The following ZNF69 variants were observed in gnomAD, a reference collection of about 807,000 sequenced individuals.
The protein encoded by ZNF69 is ZNF3.
ZNF69 carries 47 observed loss-of-function variants against 50.9 expected under a neutral mutation model. The observed-to-expected ratio is 0.92, with a 90% CI of 0.73 to 1.18. The LOEUF (loss-of-function observed/expected upper bound fraction) is 1.18. Among genes scored for constraint, ZNF69 ranks in the 50% most tolerant of loss-of-function variants. ZNF69 has a pLI of 0.00. For missense variants in ZNF69, 717 were observed against 675.1 expected (o/e 1.06, Z -0.69); for synonymous variants, 216 against 223.1 (o/e 0.97, Z 0.29).
downstream of ZNF69, among the ~76,000 whole-genome samples, chr19:11,916,333 C>T (rs895395539): frequency 9.2e-5 from 14 of 151,904 alleles, no homozygotes; most frequent in South Asian, 1.0e-3. Context: ...ATTCAGGGGC[C>T]GCTGGGCAGA....
At chr19:11,944,792 C>T in the ZNF69 span, among the ~76,000 whole-genome samples, 3 of 152,186 alleles carry the variant, frequency 2.0e-5, no homozygotes, top group Admixed American at 6.5e-5. Context: ...GGTAATACAT[C>T]GCTGTGCCAC....
chr19:11,913,410 A>G (rs1972486538), exon 5 of ZNF69: 1 of 576,606 alleles, frequency 1.7e-6, no homozygotes, highest in Non-Finnish European at 3.2e-6. Context: ...TTTTTCCAGA[A>G]AAAAATCTCA....
chr19:11,965,038 T>G, the ZNF69 span: 4 of 763,666 alleles, frequency 5.2e-6, no homozygotes, highest in East Asian at 1.2e-4. Context: ...TGGGTCGCAT[T>G]CCTGTCCTCA....
the ZNF69 span, among the ~76,000 whole-genome samples, chr19:11,930,123 G>C: frequency 6.7e-6 from 1 of 148,294 alleles, no homozygotes; most frequent in Non-Finnish European, 1.5e-5. Flanking sequence ...TGGTGGAGGA[G>C]ATGCCTGGTA....
chr19:11,935,285 G>A, the ZNF69 span, among the ~76,000 whole-genome samples: 1 of 128,408 alleles, frequency 7.8e-6, no homozygotes, highest in African/African-American at 3.0e-5. Flanking sequence ...TGCCCAGTCT[G>A]GAGTGCAGTG....
At chr19:11,925,418 C>A in the ZNF69 span, 8 of 1,345,778 alleles carry the variant, frequency 5.9e-6, no homozygotes, top group Non-Finnish European at 3.0e-6. Flanking sequence ...GCCCTCGGTC[C>A]CCTTGGCCGC....
At chr19:11,974,049 T>C in the ZNF69 span, among the ~76,000 whole-genome samples, 13 of 150,802 alleles carry the variant, frequency 8.6e-5, no homozygotes, top group African/African-American at 3.2e-4. Context: ...GTTTTCTTTC[T>C]TTCTTTCTTT....
chr19:11,979,727 G>T, the ZNF69 span: 1 of 1,599,286 alleles, frequency 6.3e-7, no homozygotes, highest in Non-Finnish European at 8.6e-7. Context: ...TAAGCAATGT[G>T]GGAAAGCCTT....
chr19:11,974,105 CTTTCTTTCTTTCTTTCTTTCT>C, the ZNF69 span, among the ~76,000 whole-genome samples: 32 of 91,660 alleles, frequency 3.5e-4, no homozygotes, highest in South Asian at 1.8e-3. Flanking sequence ...TTCTTTCTTT[CTTTCTTTCTTTCTTTCTTTCT>C]TTTCTTTCTT....
intron 1 of ZNF69, among the ~76,000 whole-genome samples, chr19:11,894,915 G>T (rs183078471): frequency 1.3e-5 from 2 of 152,170 alleles, no homozygotes; most frequent in Non-Finnish European, 2.9e-5. Context: ...CCCCAACGGG[G>T]TGGACCAGTA....
chr19:11,896,932 G>A (rs1381596334), intron 1 of ZNF69, among the ~76,000 whole-genome samples: 1 of 151,978 alleles, frequency 6.6e-6, no homozygotes, highest in Non-Finnish European at 1.5e-5. Context: ...CTCCTTTTAA[G>A]GACACATGAC....
chr19:11,924,118 TC>T, the ZNF69 span, among the ~76,000 whole-genome samples: 1 of 152,018 alleles, frequency 6.6e-6, no homozygotes, highest in Non-Finnish European at 1.5e-5. Flanking sequence ...GTCGTTGGGG[TC>T]AGAGTTATTT....
the ZNF69 span, among the ~76,000 whole-genome samples, chr19:11,951,807 C>T: frequency 5.9e-5 from 9 of 151,710 alleles, no homozygotes; most frequent in Admixed American, 3.3e-4. Flanking sequence ...CTTTTTTTGT[C>T]CTGATCCATC....
At chr19:11,955,115 C>T in the ZNF69 span, among the ~76,000 whole-genome samples, 2 of 150,472 alleles carry the variant, frequency 1.3e-5, no homozygotes, top group Non-Finnish European at 2.9e-5. Context: ...AGTGATTCTC[C>T]TGCCTCAGCC....
downstream of ZNF69, among the ~76,000 whole-genome samples, chr19:11,910,726 A>G (rs1249031288): frequency 1.3e-5 from 2 of 152,368 alleles, no homozygotes; most frequent in Middle Eastern, 3.4e-3. Flanking sequence ...ACCCTAGAAG[A>G]AAACCTAGGC....
chr19:11,979,153 C>T, the ZNF69 span: 41 of 1,611,850 alleles, frequency 2.5e-5, no homozygotes, highest in East Asian at 3.3e-4. Context: ...CAAGTCATTT[C>T]GAAGACATGA....
downstream of ZNF69, among the ~76,000 whole-genome samples, chr19:11,909,934 C>A (rs1331311268): frequency 2.0e-5 from 3 of 150,954 alleles, no homozygotes; most frequent in Non-Finnish European, 4.4e-5. Flanking sequence ...ATCATCTCAG[C>A]CCAAAATCTC....
intron 1 of ZNF69, among the ~76,000 whole-genome samples, chr19:11,901,801 T>C (rs925781323): frequency 6.6e-6 from 1 of 151,436 alleles, no homozygotes; most frequent in African/African-American, 2.4e-5. Flanking sequence ...TGATTTGTTA[T>C]CATTACTTAT....
At chr19:11,888,562 A>G (rs540455477) in intron 1 of ZNF69, among the ~76,000 whole-genome samples, 1 of 152,330 alleles carries the variant, frequency 6.6e-6, no homozygotes, top group South Asian at 2.1e-4. Context: ...AGCCTGGAGT[A>G]AGTGGTCCCG....
Sources: allele counts gnomAD v4.1 joint callset (sites outside exome capture counted in the v4.1 genomes callset), GRCh38; gene constraint gnomAD v4.1.1; transcripts MANE v1.5; gene names NCBI Gene and HGNC (gene_info 2026-07-23, HGNC 2026-07-21).